The following SLC24A2 variants were observed in gnomAD, a reference collection of about 807,000 sequenced individuals.
SLC24A2 encodes the protein sodium/potassium/calcium exchanger 2.
In SLC24A2, 36 loss-of-function variants were observed where a neutral mutation model predicts 62.0. That is an observed-to-expected ratio of 0.58 (90% CI 0.44 to 0.77). The LOEUF (loss-of-function observed/expected upper bound fraction) is 0.77, where lower values mean the gene tolerates loss of function less well. Among genes scored for constraint, SLC24A2 ranks in the 30% least tolerant of loss-of-function variants. SLC24A2 has a pLI of 0.00. For synonymous variants in SLC24A2, 358 were observed against 294.0 expected (o/e 1.22, Z -2.23); for missense variants, 846 against 817.9 (o/e 1.03, Z -0.42).
chr9:19,512,077 C>A lies in SLC24A2; in HGVS notation c.*4076G>T, dbSNP rs536467829. On this transcript the variant is annotated 3_prime_UTR_variant, in exon 11 of 11. Transcript: ENST00000341998. ...TTGGTCAACTTTTTGTTAAAGTGGT[C>A]TGGGGGTGGGCTCCCTTTGTAGCTC... The A allele has an allele frequency of 2.6e-5, 4 of 152,238 alleles. No individual in the cohort carries two copies. The highest frequency in any genetic ancestry group is 2.9e-5 in the Non-Finnish European group (2 of 68,082). 9.4% of individuals were successfully genotyped at this position (152,238 alleles called of 1,614,324 possible).
chr9:19,760,797 T>C (rs940870277), intron 2 of SLC24A2, among the ~76,000 whole-genome samples: 2 of 151,884 alleles, frequency 1.3e-5, no homozygotes, highest in Non-Finnish European at 2.9e-5. Context: ...TTCCAAATGT[T>C]TGTTCTATCG....
chr9:19,899,921 A>G, the SLC24A2 span, among the ~76,000 whole-genome samples: 1 of 152,168 alleles, frequency 6.6e-6, no homozygotes, highest in African/African-American at 2.4e-5. Flanking sequence ...ACACATGGGG[A>G]TTATGGGAAC....
At chr9:19,629,318 A>G (rs1214976247) in intron 2 of SLC24A2, among the ~76,000 whole-genome samples, 1 of 152,216 alleles carries the variant, frequency 6.6e-6, no homozygotes, top group African/African-American at 2.4e-5. Flanking sequence ...AATAGTTCAC[A>G]TATATTAAGA....
chr9:19,685,567 C>A (rs1316045355), intron 2 of SLC24A2, among the ~76,000 whole-genome samples: 1 of 151,752 alleles, frequency 6.6e-6, no homozygotes, highest in Non-Finnish European at 1.5e-5. Context: ...ACACATAGAT[C>A]TATGGACACA....
In SLC24A2 at chr9:19,760,526, C is replaced by G. The variant is rs141168368; in HGVS notation, c.930+25411G>C. 4.0e-5 allele frequency among the ~76,000 whole-genome samples: 6 copies of G among 151,132 alleles called. No homozygotes were observed. The South Asian group carries it at 1.3e-3, about 32-fold the overall frequency. ...ATGCTATCCCTCCCCTTGTCCCTGA[C>G]CCCCCCAACAGGCTCCTGTGTGATG... On this transcript the variant is annotated intron_variant, in intron 2 of 10. Coordinates refer to ENST00000341998, the MANE Select transcript of SLC24A2 (RefSeq NM_020344.4).
the SLC24A2 span, among the ~76,000 whole-genome samples, chr9:19,997,940 A>G: frequency 1.3e-5 from 2 of 152,176 alleles, no homozygotes; most frequent in African/African-American, 4.8e-5. Flanking sequence ...GGCTCTTTCC[A>G]ATAGGCCCTC....
At chr9:20,051,997 G>C in the SLC24A2 span, among the ~76,000 whole-genome samples, 1 of 152,150 alleles carries the variant, frequency 6.6e-6, no homozygotes, top group South Asian at 2.1e-4. Flanking sequence ...GCATTAATGA[G>C]ATAATCCATA....
the SLC24A2 span, among the ~76,000 whole-genome samples, chr9:19,920,190 G>A: frequency 1.3e-5 from 2 of 152,010 alleles, no homozygotes; most frequent in Admixed American, 1.3e-4. Flanking sequence ...AAGTGCAGGG[G>A]CATAGAAATA....
At chr9:20,261,600 C>A in the SLC24A2 span, among the ~76,000 whole-genome samples, 1 of 152,170 alleles carries the variant, frequency 6.6e-6, no homozygotes, top group South Asian at 2.1e-4. Context: ...AAGTTTCCAA[C>A]ACGTGAATTT....
chr9:20,000,578 C>A, the SLC24A2 span, among the ~76,000 whole-genome samples: 51 of 152,310 alleles, frequency 3.3e-4, no homozygotes, highest in African/African-American at 1.1e-3. Flanking sequence ...CAAACAATAA[C>A]TGCTGTAGGA....
chr9:20,261,195 T>C, the SLC24A2 span, among the ~76,000 whole-genome samples: 1 of 152,134 alleles, frequency 6.6e-6, no homozygotes, highest in Non-Finnish European at 1.5e-5. Flanking sequence ...TCTCATAGCT[T>C]AGCAACCACA....
At chr9:19,829,871 T>G in the SLC24A2 span, among the ~76,000 whole-genome samples, 1 of 149,806 alleles carries the variant, frequency 6.7e-6, no homozygotes, top group South Asian at 2.1e-4. Flanking sequence ...CTTCAATTCT[T>G]CTGGTGTAAT....
At chr9:19,739,533 T>G (rs1404630763) in intron 2 of SLC24A2, among the ~76,000 whole-genome samples, 3 of 152,112 alleles carry the variant, frequency 2.0e-5, no homozygotes, top group African/African-American at 7.2e-5. Flanking sequence ...ATCACCTGAT[T>G]TATGACAAAG....
chr9:19,844,168 C>T, the SLC24A2 span, among the ~76,000 whole-genome samples: 3 of 152,176 alleles, frequency 2.0e-5, no homozygotes, highest in Non-Finnish European at 2.9e-5. Context: ...CCCTTTTCTC[C>T]ATAGCCTTGC....
At chr9:19,761,877 A>G (rs969028717) in intron 2 of SLC24A2, among the ~76,000 whole-genome samples, 1 of 152,098 alleles carries the variant, frequency 6.6e-6, no homozygotes, top group African/African-American at 2.4e-5. Context: ...AATCCAGTCT[A>G]TCGTTGTTGG....
At chr9:20,134,645 T>C in the SLC24A2 span, among the ~76,000 whole-genome samples, 34 of 152,296 alleles carry the variant, frequency 2.2e-4, no homozygotes, top group African/African-American at 8.2e-4. Context: ...TTTTGAAAAG[T>C]GTTATTAGAG....
chr9:19,766,238 G>A (rs147400547), intron 2 of SLC24A2, among the ~76,000 whole-genome samples: 118 of 152,282 alleles, frequency 7.7e-4, no homozygotes, highest in African/African-American at 2.7e-3. Flanking sequence ...CATTGGGCTA[G>A]AATATGTTCC....
At chr9:19,896,754 T>C in the SLC24A2 span, among the ~76,000 whole-genome samples, 4 of 152,358 alleles carry the variant, frequency 2.6e-5, no homozygotes, top group African/African-American at 9.6e-5. Flanking sequence ...TGGATGGCAT[T>C]ACAGGTGTTA....
chr9:20,275,924 A>C, the SLC24A2 span, among the ~76,000 whole-genome samples: 1 of 152,156 alleles, frequency 6.6e-6, no homozygotes, highest in African/African-American at 2.4e-5. Context: ...TCGTGAGAAC[A>C]GCATGTGAAG....
Sources: allele counts gnomAD v4.1 joint callset (sites outside exome capture counted in the v4.1 genomes callset), GRCh38; gene constraint gnomAD v4.1.1; transcripts MANE v1.5; gene names NCBI Gene and HGNC (gene_info 2026-07-23, HGNC 2026-07-21).